Variants in CMTM8 observed in about 807,000 individuals in gnomAD.
The protein encoded by CMTM8 is CKLF-like MARVEL transmembrane domain-containing protein 8.
Under a neutral mutation model 18.6 loss-of-function variants are expected in CMTM8, and 12 were observed. The ratio of observed to expected loss-of-function variants is 0.65; its 90% CI spans 0.41 to 1.05. CMTM8 has a LOEUF of 1.05. CMTM8 is among the 50% of genes least tolerant of loss of function. The pLI is 0.00. For missense variants in CMTM8, 217 were observed against 227.2 expected, an observed-to-expected ratio of 0.95 and a Z score of 0.29; for synonymous variants, 87 against 90.6, an observed-to-expected ratio of 0.96 and a Z score of 0.23.
At chr3:32,284,564 C>G (rs577733329) in intron 1 of CMTM8, among the ~76,000 whole-genome samples, 1 of 152,266 alleles carries the variant, frequency 6.6e-6, no homozygotes, top group African/African-American at 2.4e-5. Flanking sequence ...TATATAGTAT[C>G]ATTTAAAAGT....
intron 1 of CMTM8, among the ~76,000 whole-genome samples, chr3:32,268,916 A>G (rs1702392590): frequency 6.6e-6 from 1 of 151,996 alleles, no homozygotes; most frequent in South Asian, 2.1e-4. Context: ...TTCTGGGGGG[A>G]AAATAGGGAT....
intron 1 of CMTM8, among the ~76,000 whole-genome samples, chr3:32,315,421 C>T (rs953697543): frequency 2.0e-5 from 3 of 152,186 alleles, no homozygotes; most frequent in Admixed American, 6.5e-5. Context: ...TGAGCTACCA[C>T]GCCCAGCCCT....
At chr3:32,362,057 T>TTTTTTTTTTTTTTTG (rs1559390382) in intron 2 of CMTM8, among the ~76,000 whole-genome samples, 3 of 148,984 alleles carry the variant, frequency 2.0e-5, no homozygotes, top group African/African-American at 2.5e-5. Flanking sequence ...TTTTTTTTTT[T>TTTTTTTTTTTTTTTG]GGAGATGGAG....
At chr3:32,312,631 A>C (rs1230386902) in intron 1 of CMTM8, among the ~76,000 whole-genome samples, 2 of 152,012 alleles carry the variant, frequency 1.3e-5, no homozygotes, top group African/African-American at 4.8e-5. Context: ...GTTCTTATGG[A>C]GGCTGCATGA....
At chr3:32,356,016 A>C (rs750549125) in intron 1 of CMTM8, among the ~76,000 whole-genome samples, 4 of 152,098 alleles carry the variant, frequency 2.6e-5, no homozygotes, top group Admixed American at 6.6e-5. Flanking sequence ...CATTTGCCAC[A>C]GTTGTAATCG....
intron 1 of CMTM8, among the ~76,000 whole-genome samples, chr3:32,292,889 G>C (rs62243306): frequency 0.01 from 1,578 of 152,192 alleles, 9 homozygotes; most frequent in Non-Finnish European, 0.016. Context: ...AAATGCGAAC[G>C]TGCATTTTGA....
intron 1 of CMTM8, among the ~76,000 whole-genome samples, chr3:32,321,968 C>G (rs890660428): frequency 2.6e-5 from 4 of 152,224 alleles, no homozygotes; most frequent in Non-Finnish European, 5.9e-5. Context: ...ACTTTCGGGC[C>G]TCAACAGCAG....
chr3:32,265,041 C>T (rs1298767608), intron 1 of CMTM8, among the ~76,000 whole-genome samples: 2 of 152,150 alleles, frequency 1.3e-5, no homozygotes, highest in African/African-American at 2.4e-5. Context: ...TTAGACAGAT[C>T]AACAAGACAC....
intron 1 of CMTM8, among the ~76,000 whole-genome samples, chr3:32,309,840 A>G (rs1695787457): frequency 6.6e-6 from 1 of 152,024 alleles, no homozygotes; most frequent in Admixed American, 6.6e-5. Context: ...AGGGGATGGG[A>G]GCTTTATGCA....
At chr3:32,347,829 G>T (rs562243017) in intron 1 of CMTM8, among the ~76,000 whole-genome samples, 1 of 152,000 alleles carries the variant, frequency 6.6e-6, no homozygotes, top group Non-Finnish European at 1.5e-5. Context: ...AGCTTCAATC[G>T]ATAAAAAGAA....
At chr3:32,297,216 T>C (rs1264554709) in intron 1 of CMTM8, among the ~76,000 whole-genome samples, 1 of 152,214 alleles carries the variant, frequency 6.6e-6, no homozygotes, top group African/African-American at 2.4e-5. Context: ...TTCACTCTTG[T>C]TGCCCAGGCT....
chr3:32,270,166 C>T (rs1702415439), intron 1 of CMTM8, among the ~76,000 whole-genome samples: 1 of 152,194 alleles, frequency 6.6e-6, no homozygotes, highest in African/African-American at 2.4e-5. Flanking sequence ...AAGCAATCCT[C>T]CTGCCTTGGC....
intron 1 of CMTM8, among the ~76,000 whole-genome samples, chr3:32,240,716 C>G (rs1353645695): frequency 6.6e-6 from 1 of 152,126 alleles, no homozygotes; most frequent in Non-Finnish European, 1.5e-5. Flanking sequence ...GATGGGAAAA[C>G]ATGTAAGCAA....
At chr3:32,309,135 C>G (rs116509998) in intron 1 of CMTM8, among the ~76,000 whole-genome samples, 2,330 of 152,080 alleles carry the variant, frequency 0.015, 61 homozygotes, top group African/African-American at 0.053. Flanking sequence ...CATCTCCAGA[C>G]AAGCATCCTT....
At chr3:32,259,067 G>A (rs1192403822) in intron 1 of CMTM8, 2 of 371,258 alleles carry the variant, frequency 5.4e-6, no homozygotes, top group East Asian at 6.6e-5. Flanking sequence ...CGGAGGGCAG[G>A]GGGTGGCTCT....
intron 1 of CMTM8, among the ~76,000 whole-genome samples, chr3:32,332,314 C>T (rs1023369582): frequency 3.3e-5 from 5 of 152,144 alleles, no homozygotes; most frequent in African/African-American, 1.2e-4. Context: ...ACAGTTACCT[C>T]TGAGCATCAG....
chr3:32,242,801 C>T (rs185749891), intron 1 of CMTM8, among the ~76,000 whole-genome samples: 74 of 152,100 alleles, frequency 4.9e-4, no homozygotes, highest in African/African-American at 1.8e-3. Context: ...GGAAAATTCA[C>T]GTAAGTTTCA....
At chr3:32,357,691 A>G in intron 2 of CMTM8, 145 bp downstream of exon 2, 1 of 678,362 alleles carries the variant, frequency 1.5e-6, no homozygotes, top group Non-Finnish European at 2.3e-6. Context: ...TAATCTCAGC[A>G]TCATCTAATT....
intron 1 of CMTM8, among the ~76,000 whole-genome samples, chr3:32,261,982 A>G (rs1702265823): frequency 6.6e-6 from 1 of 152,128 alleles, no homozygotes; most frequent in South Asian, 2.1e-4. Context: ...TTGGCTTCCA[A>G]AATTTTTGGT....
Sources: allele counts gnomAD v4.1 joint callset (sites outside exome capture counted in the v4.1 genomes callset), GRCh38; gene constraint gnomAD v4.1.1; transcripts MANE v1.5; gene names NCBI Gene and HGNC (gene_info 2026-07-23, HGNC 2026-07-21).